Variants in RGS6 observed in about 807,000 individuals in gnomAD.
RGS6 encodes the protein regulator of G-protein signaling 6.
Under a neutral mutation model 78.5 loss-of-function variants are expected in RGS6, and 30 were observed. The observed-to-expected ratio is 0.38, with a 90% CI of 0.29 to 0.52. The LOEUF (loss-of-function observed/expected upper bound fraction) is 0.52, where lower values mean the gene tolerates loss of function less well. Among genes scored for constraint, RGS6 ranks in the 20% least tolerant of loss-of-function variants. The pLI, the probability that RGS6 is intolerant of heterozygous loss-of-function variation, is 0.85. For synonymous variants in RGS6, 206 were observed against 206.0 expected, an observed-to-expected ratio of 1.00 and a Z score of 0.00; for missense variants, 495 against 609.7, an observed-to-expected ratio of 0.81 and a Z score of 1.98.
intron 2 of RGS6, among the ~76,000 whole-genome samples, chr14:72,108,117 G>A (rs2095672047): frequency 6.6e-6 from 1 of 152,070 alleles, no homozygotes; most frequent in African/African-American, 2.4e-5. Context: ...GTCGCCTTAG[G>A]AAGAAGTTAT....
At chr14:72,428,215 T>C (rs2094501372) in intron 3 of RGS6, among the ~76,000 whole-genome samples, 2 of 152,110 alleles carry the variant, frequency 1.3e-5, no homozygotes, top group African/African-American at 2.4e-5. Flanking sequence ...ATAACAGGAT[T>C]CCAGAGGCAC....
chr14:72,410,713 A>T (rs962492910), intron 3 of RGS6, among the ~76,000 whole-genome samples: 1 of 152,194 alleles, frequency 6.6e-6, no homozygotes, highest in Admixed American at 6.5e-5. Flanking sequence ...TCTAACATGT[A>T]AGTCTTTAAT....
chr14:71,980,606 T>C (rs1340633495), intron 2 of RGS6, among the ~76,000 whole-genome samples: 1 of 78,322 alleles, frequency 1.3e-5, no homozygotes, highest in African/African-American at 5.6e-5. Context: ...CTCTTCTGGC[T>C]TGTAGGGTTT....
At chr14:72,510,070 A>G in intron 13 of RGS6, 84 bp from the exon 14 acceptor site, 1 of 1,454,956 alleles carries the variant, frequency 6.9e-7, no homozygotes, top group East Asian at 2.4e-5. Context: ...TGACTGCAAA[A>G]CAGACTTGAG....
At chr14:72,366,587 T>A (rs554344128) in intron 3 of RGS6, among the ~76,000 whole-genome samples, 1 of 152,310 alleles carries the variant, frequency 6.6e-6, no homozygotes, top group South Asian at 2.1e-4. Context: ...CCATCTCATC[T>A]TCCAGAAGCT....
chr14:71,877,949 C>T, the RGS6 span, among the ~76,000 whole-genome samples: 1 of 152,194 alleles, frequency 6.6e-6, no homozygotes, highest in South Asian at 2.1e-4. Context: ...TGGAGGTCCA[C>T]TCCAGACGCT....
At chr14:72,433,831 G>A (rs1264507462) in intron 3 of RGS6, among the ~76,000 whole-genome samples, 1 of 152,186 alleles carries the variant, frequency 6.6e-6, no homozygotes, top group Non-Finnish European at 1.5e-5. Flanking sequence ...ATCTGAAAAG[G>A]GGGGGATGAT....
Position 72,306,222 on chromosome 14 carries a change from G to A in RGS6, c.85-45873G>A, listed in dbSNP as rs1476522966. Among the ~76,000 whole-genome samples the A allele has an allele frequency of 2.6e-5, 4 of 152,192 alleles. No individual in the cohort carries two copies. In the East Asian group the frequency reaches 7.7e-4, roughly 29 times the overall value. ...TATTGAATATTTTAAGACCACTGTT[G>A]AGACCTACTGCTCAAAAACAAAGAT... On this transcript the variant is annotated intron_variant, in intron 2 of 17. Transcript: ENST00000553525.
chr14:72,402,883 A>G (rs753812463), intron 3 of RGS6, among the ~76,000 whole-genome samples: 6 of 132,328 alleles, frequency 4.5e-5, no homozygotes, highest in African/African-American at 1.8e-4. Context: ...TGCAACCTCC[A>G]TCTCCTGGGT....
chr14:72,606,230 G>A, the RGS6 span, among the ~76,000 whole-genome samples: 77 of 152,264 alleles, frequency 5.1e-4, no homozygotes, highest in African/African-American at 1.9e-3. Flanking sequence ...GCCAACTCTG[G>A]GGGCTGGAAG....
intron 3 of RGS6, among the ~76,000 whole-genome samples, chr14:72,419,961 G>A (rs2094080162): frequency 6.6e-6 from 1 of 152,242 alleles, no homozygotes; most frequent in African/African-American, 2.4e-5. Flanking sequence ...AGACAGAGAA[G>A]TGGATGGGAA....
At chr14:72,105,967 T>A (rs1244150313) in intron 2 of RGS6, among the ~76,000 whole-genome samples, 2 of 152,196 alleles carry the variant, frequency 1.3e-5, no homozygotes, top group Non-Finnish European at 2.9e-5. Context: ...GTAAGACGTC[T>A]TCAGCGTAGG....
intron 2 of RGS6, among the ~76,000 whole-genome samples, chr14:72,096,228 T>G (rs1014101453): frequency 6.6e-6 from 1 of 151,532 alleles, no homozygotes; most frequent in African/African-American, 2.4e-5. Context: ...GAGCTGAGAT[T>G]GCACCACTGC....
intron 2 of RGS6, among the ~76,000 whole-genome samples, chr14:72,010,870 A>G (rs773021669): frequency 5.1e-4 from 77 of 152,190 alleles, no homozygotes; most frequent in Middle Eastern, 6.8e-3. Flanking sequence ...TTCCTGGATT[A>G]CAAAGAAAGT....
chr14:72,068,925 T>C (rs2094294515), intron 2 of RGS6, among the ~76,000 whole-genome samples: 1 of 152,140 alleles, frequency 6.6e-6, no homozygotes, highest in African/African-American at 2.4e-5. Flanking sequence ...TATTTGGATT[T>C]CTTCTCTTTT....
intron 13 of RGS6, among the ~76,000 whole-genome samples, chr14:72,506,093 C>T (rs560452518): frequency 6.6e-6 from 1 of 152,296 alleles, no homozygotes; most frequent in Non-Finnish European, 1.5e-5. Flanking sequence ...AAAACACTGT[C>T]AGGATAAGGA....
At chr14:72,053,130 T>TTCC (rs1567108018) in intron 2 of RGS6, among the ~76,000 whole-genome samples, 10 of 120,032 alleles carry the variant, frequency 8.3e-5, no homozygotes, top group African/African-American at 2.9e-4. Flanking sequence ...CCTTCCTTCC[T>TTCC]TTCTTTTTTT....
the RGS6 span, among the ~76,000 whole-genome samples, chr14:72,624,333 C>CTTTTTTTTTTTTTT: frequency 1.5e-4 from 15 of 97,794 alleles, no homozygotes; most frequent in African/African-American, 4.6e-4. Context: ...ACCTATGTCT[C>CTTTTTTTTTTTTTT]TTTTTTTTTT....
At chr14:72,479,883 G>A (rs922554381) in intron 12 of RGS6, among the ~76,000 whole-genome samples, 4 of 152,208 alleles carry the variant, frequency 2.6e-5, no homozygotes, top group African/African-American at 4.8e-5. Flanking sequence ...AGAAATGGCT[G>A]TCCTAGTATA....
Sources: allele counts gnomAD v4.1 joint callset (sites outside exome capture counted in the v4.1 genomes callset), GRCh38; gene constraint gnomAD v4.1.1; transcripts MANE v1.5; gene names NCBI Gene and HGNC (gene_info 2026-07-23, HGNC 2026-07-21).